Variants in COL27A1 observed in about 807,000 individuals in gnomAD.
COL27A1 encodes collagen alpha-1(XXVII) chain.
COL27A1 carries 106 observed loss-of-function variants against 251.3 expected under a neutral mutation model. That is an observed-to-expected ratio of 0.42 (90% confidence interval 0.36 to 0.50). The LOEUF is 0.50. Among genes scored for constraint, COL27A1 ranks in the 20% least tolerant of loss-of-function variants. The probability of loss-of-function intolerance (pLI) is 0.00; values close to 1 mark genes in which losing one functional copy is unlikely to be tolerated. For synonymous variants in COL27A1, 1,000 were observed against 986.3 expected (o/e 1.01, Z -0.26); for missense variants, 2,325 against 2,522.8 (o/e 0.92, Z 1.68).
At chr9:114,209,605 G>T in intron 10 of COL27A1, 70 bp from the exon 11 acceptor site, 1 of 1,404,978 alleles carries the variant, frequency 7.1e-7, no homozygotes, top group Non-Finnish European at 1.0e-6. Context: ...GTGGTGGGTG[G>T]GCTGCGGCAG....
At chr9:114,189,897 G>A (rs924702048) in intron 5 of COL27A1, among the ~76,000 whole-genome samples, 1 of 152,062 alleles carries the variant, frequency 6.6e-6, no homozygotes, top group Admixed American at 6.5e-5. Flanking sequence ...TAGTATTTCT[G>A]TTGGGTCTCC....
At chr9:114,223,037 T>C (rs1831225868) in intron 14 of COL27A1, among the ~76,000 whole-genome samples, 1 of 152,210 alleles carries the variant, frequency 6.6e-6, no homozygotes, top group East Asian at 1.9e-4. Flanking sequence ...CGATCTGACC[T>C]GACTCCATCC....
intron 1 of COL27A1, among the ~76,000 whole-genome samples, chr9:114,157,425 A>G (rs1450617142): frequency 1.3e-5 from 2 of 152,172 alleles, no homozygotes; most frequent in Admixed American, 6.5e-5. Context: ...ACTCCATGTC[A>G]TGTCTATGGA....
At chr9:114,227,263 A>T (rs1310185273) in intron 14 of COL27A1, among the ~76,000 whole-genome samples, 1 of 149,526 alleles carries the variant, frequency 6.7e-6, no homozygotes, top group Non-Finnish European at 1.5e-5. Context: ...ACCTGACCTG[A>T]TGCCCTGTCT....
intron 56 of COL27A1, among the ~76,000 whole-genome samples, chr9:114,302,336 C>T (rs1263650777): frequency 1.3e-5 from 2 of 152,124 alleles, no homozygotes; most frequent in South Asian, 2.1e-4. Flanking sequence ...TGACTGAATC[C>T]GGGAAGATGC....
At chr9:114,158,950 C>T (rs1189826368) in intron 1 of COL27A1, among the ~76,000 whole-genome samples, 1 of 152,198 alleles carries the variant, frequency 6.6e-6, no homozygotes, top group African/African-American at 2.4e-5. Context: ...CCTCTCTGGG[C>T]CTCAGTTACG....
intron 4 of COL27A1, among the ~76,000 whole-genome samples, chr9:114,181,195 A>T (rs1001985281): frequency 6.6e-5 from 10 of 152,110 alleles, no homozygotes; most frequent in African/African-American, 2.2e-4. Flanking sequence ...TGGGGCTCAG[A>T]ATTGGGACTC....
intron 25 of COL27A1, among the ~76,000 whole-genome samples, chr9:114,251,205 C>G (rs1165148204): frequency 6.6e-6 from 1 of 152,140 alleles, no homozygotes; most frequent in African/African-American, 2.4e-5. Context: ...GCCTTGGAGG[C>G]ACTTGTCTTC....
chr9:114,283,602 A>C, intron 39 of COL27A1, 107 bp from the exon 40 acceptor site: 1 of 973,036 alleles, frequency 1.0e-6, no homozygotes, highest in Non-Finnish European at 1.6e-6. Context: ...GGCGGCATGG[A>C]TGTGCCAGGC....
At chr9:114,306,494 C>G (rs2131686334) in intron 57 of COL27A1, 26 bp from the exon 58 acceptor site, 1 of 1,612,454 alleles carries the variant, frequency 6.2e-7, no homozygotes, top group East Asian at 2.2e-5. Context: ...CCTAAGGTCC[C>G]AATGACCACC....
chr9:114,193,278 C>A (rs548394244), intron 5 of COL27A1, among the ~76,000 whole-genome samples: 3 of 152,228 alleles, frequency 2.0e-5, no homozygotes, highest in South Asian at 2.1e-4. Context: ...CAGGTTTGGC[C>A]AAAGGAGAGG....
At chr9:114,181,500 G>T (rs924977196) in intron 4 of COL27A1, among the ~76,000 whole-genome samples, 6 of 152,176 alleles carry the variant, frequency 3.9e-5, no homozygotes, top group African/African-American at 1.4e-4. Flanking sequence ...CACACAGTTA[G>T]CCCGATGAAT....
chr9:114,237,400 C>T (rs929760438), intron 18 of COL27A1, among the ~76,000 whole-genome samples: 14 of 152,200 alleles, frequency 9.2e-5, no homozygotes, highest in African/African-American at 3.4e-4. Flanking sequence ...CCAACTACCC[C>T]AGGAGTGAGG....
intron 56 of COL27A1, among the ~76,000 whole-genome samples, chr9:114,302,993 C>T (rs1828770300): frequency 1.3e-5 from 2 of 152,162 alleles, no homozygotes; most frequent in African/African-American, 4.8e-5. Context: ...TCTCCTCATG[C>T]CTGCTCTCAC....
At position 114,264,905 on chromosome 9, in the gene COL27A1, C is replaced by A. The variant is rs151179635; in HGVS notation, c.3250-19C>A. 6.2e-7 allele frequency: 1 copy of A among 1,608,894 alleles called. No homozygotes were observed. Among genetic ancestry groups the A allele is most frequent in the South Asian group, 1.1e-5 (1 of 90,612 alleles). On this transcript the variant is annotated intron_variant, in intron 29 of 60. Transcript: ENST00000356083. ...TCCCAAGCACCCTCTCCCACCTTCA[C>A]GTGCTCTGCTTCCCACAGGGCCCTC...
rs7022550 is a variant in COL27A1 at position 114,209,051 on chromosome 9, C to G, written c.2269-624C>G. On this transcript the variant is annotated intron_variant, in intron 10 of 60. Transcript: ENST00000356083. ...GAATTCCCGAAGAGAATTCACAGCT[C>G]CACTACTGACTAGTCGTGTTGCTTT... Among the ~76,000 whole-genome samples the G allele has an allele frequency of 2.3e-3, 347 of 152,292 alleles. 1 individual carries two copies. The highest frequency in any genetic ancestry group is 8.0e-3 in the African/African-American group (332 of 41,558).
At chr9:114,170,745 A>G (rs1034270316) in intron 3 of COL27A1, among the ~76,000 whole-genome samples, 49 of 152,238 alleles carry the variant, frequency 3.2e-4, no homozygotes, top group Non-Finnish European at 4.8e-4. Context: ...GGCAGCGTAG[A>G]GAGTTGGGAG....
intron 25 of COL27A1, 148 bp downstream of exon 25, chr9:114,250,816 T>C (rs1488936811): frequency 1.5e-6 from 1 of 687,572 alleles, no homozygotes; most frequent in Non-Finnish European, 2.6e-6. Context: ...CCAAGAGACA[T>C]TGTTCCCTTT....
intron 49 of COL27A1, among the ~76,000 whole-genome samples, chr9:114,292,780 C>A (rs1290181749): frequency 6.6e-6 from 1 of 152,192 alleles, no homozygotes; most frequent in African/African-American, 2.4e-5. Flanking sequence ...ACATTCATCC[C>A]AAACAGCTGG....
Sources: gnomAD v4.1 joint callset for allele counts (sites outside exome capture counted in the v4.1 genomes callset) on GRCh38, gnomAD v4.1.1 for gene constraint, MANE v1.5 for transcripts, NCBI Gene and HGNC (gene_info 2026-07-23, HGNC 2026-07-21) for gene names.